Variants in NAV3 observed in about 807,000 individuals in gnomAD.
NAV3 encodes the protein neuron navigator 3, also known as pore membrane and/or filament interacting like protein 1.
A neutral mutation model predicts 244.7 loss-of-function variants in NAV3; 87 were observed. The observed-to-expected ratio is 0.36, with a 90% CI of 0.30 to 0.42. The LOEUF is 0.42. NAV3 is among the 20% of genes least tolerant of loss of function. The pLI is 1.00. For missense variants in NAV3, 2,663 were observed against 2,893.3 expected, an observed-to-expected ratio of 0.92 and a Z score of 1.83; for synonymous variants, 1,126 against 1,042.2, an observed-to-expected ratio of 1.08 and a Z score of -1.55.
At chr12:78,188,478 A>G (rs1395508248) in intron 32 of NAV3, 131 bp from the exon 33 acceptor site, 4 of 1,154,672 alleles carry the variant, frequency 3.5e-6, no homozygotes, top group Non-Finnish European at 4.9e-6. Context: ...GTGCTATTTG[A>G]TATTAACAGT....
At chr12:77,713,690 C>T (rs1374462156) in intron 2 of NAV3, among the ~76,000 whole-genome samples, 1 of 152,054 alleles carries the variant, frequency 6.6e-6, no homozygotes, top group South Asian at 2.1e-4. Flanking sequence ...CTATTGCACC[C>T]TTGCATTTTA....
At chr12:78,210,136 C>T (rs963665765) in intron 39 of NAV3, among the ~76,000 whole-genome samples, 1 of 152,154 alleles carries the variant, frequency 6.6e-6, no homozygotes, top group Admixed American at 6.5e-5. Flanking sequence ...TTCCAGTCTC[C>T]CTGCTGGAGC....
intron 1 of NAV3, among the ~76,000 whole-genome samples, chr12:77,905,072 A>G (rs1885819568): frequency 6.6e-6 from 1 of 152,160 alleles, no homozygotes; most frequent in Non-Finnish European, 1.5e-5. Context: ...TGGTCTCCAA[A>G]TGCATTTGAA....
chr12:78,158,720 G>A (rs1206385136), intron 22 of NAV3, among the ~76,000 whole-genome samples: 1 of 152,170 alleles, frequency 6.6e-6, no homozygotes. Context: ...GCTGTCAGCA[G>A]ATGTCTGACA....
intron 31 of NAV3, among the ~76,000 whole-genome samples, chr12:78,186,589 A>G (rs977609470): frequency 6.6e-6 from 1 of 151,950 alleles, no homozygotes; most frequent in Non-Finnish European, 1.5e-5. Flanking sequence ...TTTATAAGGT[A>G]TTGCATAAGC....
At chr12:77,671,631 T>G (rs1357610169) in intron 2 of NAV3, among the ~76,000 whole-genome samples, 1 of 152,162 alleles carries the variant, frequency 6.6e-6, no homozygotes, top group Non-Finnish European at 1.5e-5. Context: ...CCAACTGATC[T>G]TTGATAAAGC....
chr12:78,186,033 T>C (rs1296847369), intron 31 of NAV3, among the ~76,000 whole-genome samples: 1 of 151,894 alleles, frequency 6.6e-6, no homozygotes. Context: ...ATGTTTATGA[T>C]GTGCAGTCGC....
intron 31 of NAV3, among the ~76,000 whole-genome samples, chr12:78,186,141 A>G (rs1299581999): frequency 6.6e-6 from 1 of 151,868 alleles, no homozygotes; most frequent in Non-Finnish European, 1.5e-5. Context: ...ACTTGGTAGG[A>G]CAAATTCCAT....
chr12:77,964,231 G>C (rs769462999), intron 3 of NAV3, among the ~76,000 whole-genome samples: 1 of 151,984 alleles, frequency 6.6e-6, no homozygotes, highest in Non-Finnish European at 1.5e-5. Context: ...GACTCAATGA[G>C]CCTTTTCTGG....
At chr12:78,024,606 C>T (rs540201524) in intron 9 of NAV3, among the ~76,000 whole-genome samples, 1 of 152,264 alleles carries the variant, frequency 6.6e-6, no homozygotes, top group Non-Finnish European at 1.5e-5. Flanking sequence ...TCTCTCTTCT[C>T]TTTAATAGCT....
intron 2 of NAV3, 40 bp from the exon 3 acceptor site, chr12:77,941,041 G>T (rs369658334): frequency 7.7e-7 from 1 of 1,307,166 alleles, no homozygotes; most frequent in African/African-American, 1.5e-5. Flanking sequence ...TAAGCATGTC[G>T]TTCTTTTTTT....
Position 77,606,838 on chromosome 12 carries a change from A to G in NAV3, c.72+34572A>G, listed in dbSNP as rs138003882. 4.9e-3 allele frequency among the ~76,000 whole-genome samples: 745 copies of G among 152,218 alleles called. 8 individuals carry two copies. Among genetic ancestry groups the G allele is most frequent in the African/African-American group, 0.017 (706 of 41,566 alleles). On this transcript the variant is annotated intron_variant, in intron 2 of 8. Transcript: ENST00000550042. ...GTTAGAGCAAGAGAATCTATGTCCC[A>G]AACTTCTAGGAACAGTCTTGAAACC... is the stretch of plus-strand genomic sequence containing the variant.
intron 5 of NAV3, among the ~76,000 whole-genome samples, chr12:77,978,981 C>A (rs762463189): frequency 1.3e-5 from 2 of 151,550 alleles, no homozygotes; most frequent in Non-Finnish European, 2.9e-5. Flanking sequence ...AATTATGGAC[C>A]TTTTTTCCAT....
intron 3 of NAV3, among the ~76,000 whole-genome samples, chr12:77,959,710 T>A (rs1371154680): frequency 3.3e-5 from 5 of 151,650 alleles, no homozygotes; most frequent in African/African-American, 1.2e-4. Flanking sequence ...TCCCAAAATA[T>A]AATGGTAACA....
chr12:77,968,774 G>T, intron 5 of NAV3, 72 bp downstream of exon 5: 1 of 1,446,462 alleles, frequency 6.9e-7, no homozygotes, highest in South Asian at 1.3e-5. Context: ...ACAAATTATT[G>T]TCCATGAGTT....
intron 2 of NAV3, among the ~76,000 whole-genome samples, chr12:77,803,477 A>G (rs888388044): frequency 1.3e-5 from 2 of 152,164 alleles, no homozygotes; most frequent in African/African-American, 4.8e-5. Flanking sequence ...TTATGGCTGC[A>G]TAGTATTCCA....
intron 7 of NAV3, among the ~76,000 whole-genome samples, chr12:78,000,197 T>G (rs1873006940): frequency 6.6e-6 from 1 of 152,164 alleles, no homozygotes; most frequent in Non-Finnish European, 1.5e-5. Flanking sequence ...TAGAAGGCAG[T>G]GCAAAATTAG....
At chr12:77,882,993 T>G (rs149447935) in intron 1 of NAV3, among the ~76,000 whole-genome samples, 121 of 152,286 alleles carry the variant, frequency 7.9e-4, no homozygotes, top group African/African-American at 2.7e-3. Context: ...GGTAGGAATG[T>G]AAATTAGGTC....
At chr12:78,113,384 C>G (rs560535100) in intron 12 of NAV3, among the ~76,000 whole-genome samples, 4 of 152,332 alleles carry the variant, frequency 2.6e-5, no homozygotes, top group East Asian at 3.9e-4. Flanking sequence ...GAGGGCTCCA[C>G]CGCTGCAGCA....
Sources: gnomAD v4.1 joint callset for allele counts (sites outside exome capture counted in the v4.1 genomes callset) on GRCh38, gnomAD v4.1.1 for gene constraint, MANE v1.5 for transcripts, NCBI Gene and HGNC (gene_info 2026-07-23, HGNC 2026-07-21) for gene names.